Variants in MAPRE3 observed in about 807,000 individuals in gnomAD.
The protein encoded by MAPRE3 is microtubule associated protein RP/EB family member 3, also known as microtubule-associated protein RP/EB family member 3.
MAPRE3 carries 2 observed loss-of-function variants against 30.5 expected under a neutral mutation model. The ratio of observed to expected loss-of-function variants is 0.07; its 90% CI spans 0.03 to 0.21. The LOEUF (loss-of-function observed/expected upper bound fraction) is 0.21, where lower values mean the gene tolerates loss of function less well. Ranked by LOEUF, MAPRE3 falls within the 10% of genes least tolerant of loss-of-function variation. The pLI is 1.00. For synonymous variants in MAPRE3, 110 were observed against 127.7 expected, an observed-to-expected ratio of 0.86 and a Z score of 0.93; for missense variants, 204 against 351.8, an observed-to-expected ratio of 0.58 and a Z score of 3.36.
rs958648519 is a variant in MAPRE3, at chr2:26,985,639, A to C, written c.-8+14837A>C. Among the ~76,000 whole-genome samples the C allele has an allele frequency of 2.6e-5, 4 of 152,260 alleles. No homozygotes were observed. Among genetic ancestry groups the C allele is most frequent in the African/African-American group, 7.2e-5 (3 of 41,464 alleles). On this transcript the variant is annotated intron_variant, in intron 1 of 6. Coordinates refer to ENST00000233121, the MANE Select transcript of MAPRE3 (RefSeq NM_012326.4). The surrounding 1 kb of genome is among the most constrained non-coding windows in gnomAD (Gnocchi z 4.2). ...TACTGCTGCCTAACAAATTACTGTG[A>C]GAGTTCTAATCCCCCAGAACTGGTA...
chr2:27,024,444 A>G (rs1439864082), intron 4 of MAPRE3, 147 bp downstream of exon 4: 7 of 724,188 alleles, frequency 9.7e-6, no homozygotes, highest in Non-Finnish European at 1.6e-5. Flanking sequence ...CCTGCTGGCC[A>G]GTTAGACCGG....
intron 6 of MAPRE3, 111 bp from the exon 7 acceptor site, chr2:27,026,169 T>C: frequency 1.4e-6 from 2 of 1,379,598 alleles, no homozygotes; most frequent in East Asian, 2.3e-5. Context: ...GGGTCACCCA[T>C]TAGCAGGGCT....
chr2:27,016,699 G>A (rs1466673223), intron 1 of MAPRE3, among the ~76,000 whole-genome samples: 1 of 152,092 alleles, frequency 6.6e-6, no homozygotes, highest in Non-Finnish European at 1.5e-5. Context: ...TGTCTTTGCT[G>A]TAATTGGAGG....
rs74472398 is a variant in MAPRE3, at chr2:26,973,847, G to T, written c.-8+3045G>T. The stretch of plus-strand genomic sequence containing the variant: ...TGGGACTACAGGCGTGAGCCACCGC[G>T]CCTGGCCAGAAAATATAGTTTTTTA... On this transcript the variant is annotated intron_variant, in intron 1 of 6. Transcript: ENST00000233121. Among the ~76,000 whole-genome samples the T allele has an allele frequency of 5.7e-3, 865 of 152,282 alleles. 7 individuals are homozygous for T. The highest frequency in any genetic ancestry group is 0.02 in the African/African-American group (822 of 41,558).
intron 1 of MAPRE3, among the ~76,000 whole-genome samples, chr2:27,017,459 G>A (rs1268572261): frequency 2.6e-5 from 4 of 152,206 alleles, no homozygotes; most frequent in African/African-American, 7.2e-5. Context: ...CAGACCGAAG[G>A]TATGGAAAAT....
At position 27,022,303 on chromosome 2, in the gene MAPRE3, C is replaced by A; in HGVS notation, c.85C>A (p.His29Asn). 1 of 1,614,176 alleles carries A rather than the reference C, an allele frequency of 6.2e-7. No individual in the cohort carries two copies. Among genetic ancestry groups the A allele is most frequent in the Non-Finnish European group, 8.5e-7 (1 of 1,180,034 alleles). Residue 29 changes from histidine to asparagine, a missense_variant, in exon 2 of 7, where the codon CAC becomes AAC. Transcript: ENST00000233121. ...GCTTGCATGGGTCAACGACTCCCTG[C>A]ACCTCAACTATACCAAGATAGAACA... ...DMLAWVNDSL[H>N]LNYTKIEQLC...
At chr2:27,019,858 T>G (rs1326664417) in intron 1 of MAPRE3, among the ~76,000 whole-genome samples, 1 of 152,370 alleles carries the variant, frequency 6.6e-6, no homozygotes, top group East Asian at 1.9e-4. Flanking sequence ...CTCTGTCCTA[T>G]GTACTTGGGG....
At chr2:26,982,223 G>A (rs752523944) in intron 1 of MAPRE3, among the ~76,000 whole-genome samples, 4 of 152,160 alleles carry the variant, frequency 2.6e-5, no homozygotes, top group Non-Finnish European at 4.4e-5. Context: ...CTAACACCCT[G>A]GGTTGTGGTC....
At chr2:26,972,872 A>G (rs537694603) in intron 1 of MAPRE3, among the ~76,000 whole-genome samples, 10 of 152,306 alleles carry the variant, frequency 6.6e-5, no homozygotes, top group South Asian at 2.1e-4. Context: ...GTTTTATGAG[A>G]TAATGATGGA....
At chr2:26,973,737 A>G (rs1665962201) in intron 1 of MAPRE3, among the ~76,000 whole-genome samples, 1 of 151,500 alleles carries the variant, frequency 6.6e-6, no homozygotes, top group Non-Finnish European at 1.5e-5. Context: ...TTGTATTTTT[A>G]GTAGAGACGG....
At chr2:26,990,979 C>G (rs945732029) in intron 1 of MAPRE3, among the ~76,000 whole-genome samples, 1 of 152,168 alleles carries the variant, frequency 6.6e-6, no homozygotes, top group Admixed American at 6.6e-5. Flanking sequence ...GATCCACGGC[C>G]GGGCAGTCTC....
intron 2 of MAPRE3, 79 bp from the exon 3 acceptor site, chr2:27,023,253 C>T (rs189908713): frequency 1.8e-5 from 27 of 1,473,024 alleles, no homozygotes; most frequent in Non-Finnish European, 2.2e-5. Context: ...GAAGAGGAGA[C>T]GGGGTTTGGG....
chr2:27,023,982 G>A (rs577827500), intron 3 of MAPRE3, 114 bp from the exon 4 acceptor site: 23 of 759,338 alleles, frequency 3.0e-5, no homozygotes, highest in Middle Eastern at 3.1e-4. Flanking sequence ...TGGAGAAGGT[G>A]GAGGACGCTG....
intron 1 of MAPRE3, among the ~76,000 whole-genome samples, chr2:26,975,915 A>G (rs1271999099): frequency 6.6e-6 from 1 of 152,158 alleles, no homozygotes; most frequent in African/African-American, 2.4e-5. Context: ...AGGGTACTTA[A>G]CTGACCACCT....
At chr2:27,018,893 A>ATTTTT (rs755799012) in intron 1 of MAPRE3, among the ~76,000 whole-genome samples, 1 of 112,084 alleles carries the variant, frequency 8.9e-6, no homozygotes, top group Non-Finnish European at 1.9e-5. Flanking sequence ...AGGCACACAC[A>ATTTTT]TTTTTATTTA....
At chr2:26,989,260 G>A (rs1432141329) in intron 1 of MAPRE3, among the ~76,000 whole-genome samples, 2 of 152,126 alleles carry the variant, frequency 1.3e-5, no homozygotes, top group Non-Finnish European at 2.9e-5. Context: ...CACCCGCTAG[G>A]CTCCAAAGCC....
intron 1 of MAPRE3, among the ~76,000 whole-genome samples, chr2:27,013,633 A>T (rs1197719932): frequency 6.6e-6 from 1 of 152,216 alleles, no homozygotes; most frequent in Non-Finnish European, 1.5e-5. Flanking sequence ...CTGAGCCAGT[A>T]CTAATTGAGG....
At chr2:27,009,691 C>T (rs186064403) in intron 1 of MAPRE3, 1 of 152,194 alleles carries the variant, frequency 6.6e-6, no homozygotes, top group Non-Finnish European at 1.5e-5. Flanking sequence ...GCCACATCAC[C>T]TTCTGCCCCA....
chr2:27,008,698 A>G (rs2148217836), intron 1 of MAPRE3, among the ~76,000 whole-genome samples: 1 of 152,268 alleles, frequency 6.6e-6, no homozygotes, highest in Non-Finnish European at 1.5e-5. Flanking sequence ...TGGAGAGGAG[A>G]ACTCTCCCAG....
Sources: gnomAD v4.1 joint callset for allele counts (sites outside exome capture counted in the v4.1 genomes callset) on GRCh38, gnomAD v4.1.1 for gene constraint, Gnocchi (gnomAD v3.1) non-coding constraint, MANE v1.5 for transcripts, NCBI Gene and HGNC (gene_info 2026-07-23, HGNC 2026-07-21) for gene names.